Variants in SCIMP observed in about 807,000 individuals in gnomAD.
The protein encoded by SCIMP is SLP adaptor and CSK interacting membrane protein.
In SCIMP, 18 loss-of-function variants were observed where a neutral mutation model predicts 22.0. That is an observed-to-expected ratio of 0.82 (90% CI 0.56 to 1.21). The LOEUF (loss-of-function observed/expected upper bound fraction) is 1.21, where lower values mean the gene tolerates loss of function less well. Ranked by LOEUF, SCIMP falls within the 50% of genes most tolerant of loss-of-function variation. The pLI is 0.00. For synonymous variants in SCIMP, 53 were observed against 62.2 expected, an observed-to-expected ratio of 0.85 and a Z score of 0.70; for missense variants, 155 against 171.2, an observed-to-expected ratio of 0.91 and a Z score of 0.53.
chr17:5,231,892 A>C (rs1051330633), intron 1 of SCIMP, among the ~76,000 whole-genome samples: 73 of 152,040 alleles, frequency 4.8e-4, no homozygotes, highest in Non-Finnish European at 6.2e-4. Context: ...GTCTCTACTT[A>C]AAAAATACAA....
intron 3 of SCIMP, 105 bp from the exon 4 acceptor site, chr17:5,215,103 A>C: frequency 1.3e-6 from 1 of 747,616 alleles, no homozygotes; most frequent in Non-Finnish European, 2.4e-6. Flanking sequence ...TGAACATTCA[A>C]ATCTTGGTCT....
chr17:5,215,220 G>T, intron 3 of SCIMP: 1 of 512,926 alleles, frequency 1.9e-6, no homozygotes, highest in Non-Finnish European at 3.5e-6. Context: ...TGAAAATGAG[G>T]GGAGGGAAAT....
chr17:5,221,053 A>C (rs1339554806), intron 3 of SCIMP: 1 of 619,806 alleles, frequency 1.6e-6, no homozygotes, highest in East Asian at 3.2e-5. Context: ...GCAAGACTCC[A>C]TCTCAAAAAA....
intron 4 of SCIMP, 38 bp downstream of exon 4, chr17:5,214,887 T>G: frequency 2.2e-6 from 2 of 917,690 alleles, no homozygotes; most frequent in Non-Finnish European, 3.5e-6. Context: ...CTCGTTATCT[T>G]ACCCTAAATG....
chr17:5,215,630 AAAAC>A (rs2074560228), intron 3 of SCIMP, among the ~76,000 whole-genome samples: 2 of 151,988 alleles, frequency 1.3e-5, no homozygotes, highest in South Asian at 4.2e-4. Context: ...AACAAATAAA[AAAAC>A]AAAAAACAAA....
At chr17:5,227,625 A>G (rs1381790729) in intron 1 of SCIMP, among the ~76,000 whole-genome samples, 1 of 152,108 alleles carries the variant, frequency 6.6e-6, no homozygotes, top group Non-Finnish European at 1.5e-5. Flanking sequence ...CTAAGTTTCC[A>G]TTTCCTCTGA....
At chr17:5,224,330 G>T (rs1227395027) in intron 1 of SCIMP, among the ~76,000 whole-genome samples, 9 of 151,904 alleles carry the variant, frequency 5.9e-5, no homozygotes, top group Non-Finnish European at 1.2e-4. Flanking sequence ...GTAGAGACGG[G>T]GTTTCACCGT....
Position 5,210,948 on chromosome 17 carries a change from C to G in SCIMP, c.291G>C (p.Gln97His), listed in dbSNP as rs1362485368. Residue 97 changes from glutamine (Q) to histidine (H), a missense_variant, in exon 5 of 5, where the codon CAG (glutamine) becomes CAC (histidine). Transcript: ENST00000574081. ...NWPSLEDSSP[Q>H]EAPSQPPATY... Reference sequence around the variant, plus strand: ...TAGCGGGCGGCTGACTTGGGGCTTCCTGTGGGGCTAGAATACACAAAAAGC... The same window carrying G: ...TAGCGGGCGGCTGACTTGGGGCTTCGTGTGGGGCTAGAATACACAAAAAGC... 6.2e-7 allele frequency: 1 copy of G among 1,610,436 alleles called. No individual in the cohort carries two copies. The highest frequency in any genetic ancestry group is 2.2e-5 in the East Asian group (1 of 44,860).
intron 4 of SCIMP, chr17:5,214,069 G>A (rs996692449): frequency 6.6e-6 from 1 of 152,252 alleles, no homozygotes; most frequent in Non-Finnish European, 1.5e-5. Context: ...ACCAAGGAAA[G>A]GCCATTTGTG....
chr17:5,215,724 G>C (rs1210766834), intron 3 of SCIMP, among the ~76,000 whole-genome samples: 1 of 152,176 alleles, frequency 6.6e-6, no homozygotes, highest in Non-Finnish European at 1.5e-5. Flanking sequence ...CTATTGAAAT[G>C]CTCGCATCTG....
At chr17:5,233,466 G>T (rs74859829) in intron 1 of SCIMP, among the ~76,000 whole-genome samples, 1 of 151,942 alleles carries the variant, frequency 6.6e-6, no homozygotes, top group Non-Finnish European at 1.5e-5. Context: ...TCCACCTCCC[G>T]GGCTCAAACG....
In SCIMP at chr17:5,210,975, C is replaced by G. The variant is rs1598152954; in HGVS notation, c.284-20G>C. On this transcript the variant is annotated intron_variant, in intron 4 of 4. Coordinates refer to ENST00000574081, the MANE Select transcript of SCIMP (RefSeq NM_207103.3). ...GTGGGGCTAGAATACACAAAAAGCTCCTTAGATGCAAAGCTGTCATGTGTT... is the reference window on the plus strand; with the variant it reads ...GTGGGGCTAGAATACACAAAAAGCTGCTTAGATGCAAAGCTGTCATGTGTT... 1 of 1,587,948 alleles carries G rather than the reference C, an allele frequency of 6.3e-7. No homozygotes were observed. The highest frequency in any genetic ancestry group is 8.5e-7 in the Non-Finnish European group (1 of 1,172,664).
At chr17:5,218,560 G>A (rs888695491) in intron 3 of SCIMP, among the ~76,000 whole-genome samples, 2 of 151,950 alleles carry the variant, frequency 1.3e-5, no homozygotes, top group South Asian at 2.1e-4. Flanking sequence ...GACTGGTCTC[G>A]AACTCCTGAC....
chr17:5,215,984 G>A (rs2074562747), intron 3 of SCIMP, among the ~76,000 whole-genome samples: 1 of 151,678 alleles, frequency 6.6e-6, no homozygotes, highest in Non-Finnish European at 1.5e-5. Context: ...GAGCCCAGGG[G>A]TTTAAGGGTA....
At chr17:5,223,613 G>A in intron 1 of SCIMP, 157 bp from the exon 2 acceptor site, 1 of 657,426 alleles carries the variant, frequency 1.5e-6, no homozygotes, top group Middle Eastern at 4.1e-4. Context: ...CGTGATCTCA[G>A]CTCTCAGCTC....
chr17:5,210,942 G>A lies in SCIMP; in HGVS notation c.297C>T (p.Ala99=). 6.2e-7 allele frequency: 1 copy of A among 1,611,096 alleles called. No individual in the cohort carries two copies. Among genetic ancestry groups the A allele is most frequent in the Non-Finnish European group, 8.5e-7 (1 of 1,179,282 alleles). The part of the protein sequence containing the change: ...PSLEDSSPQE[A]PSQPPATYSL... Reference sequence around the variant, plus strand: ...AGTATGTAGCGGGCGGCTGACTTGGGGCTTCCTGTGGGGCTAGAATACACA... The same window carrying A: ...AGTATGTAGCGGGCGGCTGACTTGGAGCTTCCTGTGGGGCTAGAATACACA... The change falls in exon 5 of 5, where the codon GCC becomes GCT. Residue 99 remains alanine (A), a synonymous_variant. Coordinates refer to ENST00000574081, the MANE Select transcript of SCIMP (RefSeq NM_207103.3).
chr17:5,214,708 C>T (rs530007873), intron 4 of SCIMP: 331 of 436,004 alleles, frequency 7.6e-4, no homozygotes, highest in Non-Finnish European at 9.4e-4. Context: ...GGCGTGGTGG[C>T]GGGTGCCTGT....
intron 1 of SCIMP, among the ~76,000 whole-genome samples, chr17:5,231,151 G>A (rs1412583092): frequency 6.6e-6 from 1 of 152,068 alleles, no homozygotes; most frequent in East Asian, 1.9e-4. Context: ...CCTGAAGTCA[G>A]GAGTTCGAGA....
chr17:5,232,342 G>A (rs1410078630), intron 1 of SCIMP, among the ~76,000 whole-genome samples: 2 of 46,168 alleles, frequency 4.3e-5, no homozygotes, highest in Non-Finnish European at 6.9e-5. Context: ...CTAAGAAAGG[G>A]GTGGAATATA....
Sources: gnomAD v4.1 joint callset for allele counts (sites outside exome capture counted in the v4.1 genomes callset) on GRCh38, gnomAD v4.1.1 for gene constraint, MANE v1.5 for transcripts, NCBI Gene and HGNC (gene_info 2026-07-23, HGNC 2026-07-21) for gene names.